The following PCDH1 variants were observed in gnomAD, a reference collection of about 807,000 sequenced individuals.
PCDH1 encodes protocadherin-1.
A neutral mutation model predicts 74.6 loss-of-function variants in PCDH1; 23 were observed. The observed-to-expected ratio is 0.31, with a 90% confidence interval of 0.22 to 0.44. PCDH1 has a LOEUF of 0.44. Ranked by LOEUF, PCDH1 falls within the 20% of genes least tolerant of loss-of-function variation. The pLI is 1.00. For missense variants in PCDH1, 1,214 were observed against 1,641.4 expected (o/e 0.74, Z 4.50); for synonymous variants, 647 against 686.1 (o/e 0.94, Z 0.89).
rs1752212536 is a variant in PCDH1 at position 141,853,838 on chromosome 5, G to A, written c.*204C>T. ...GCCCCATAAAGGGGAAGGGGCCCCT[G>A]GGGGCTGGGAGATGGAAATGAGGGG... On this transcript the variant is annotated 3_prime_UTR_variant, in exon 5 of 5. Coordinates refer to ENST00000287008, the MANE Select transcript of PCDH1 (RefSeq NM_032420.5). 1 of 430,632 alleles carries A rather than the reference G, an allele frequency of 2.3e-6. No individual in the cohort carries two copies. Among genetic ancestry groups the A allele is most frequent in the Non-Finnish European group, 4.0e-6 (1 of 247,564 alleles). The allele number at this position is 430,632 out of a possible 1,614,324, so 26.7% of individuals were successfully genotyped here.
In PCDH1 at chr5:141,863,318, C is replaced by T; in HGVS notation, c.3013G>A (p.Gly1005Ser). ...QDLPPANTFV[G>S]TGDTTSTGSE... ...CCCGTGGACGTGGTGTCCCCGGTGC[C>T]CACGAATGTGTTTGCAGGTGGCAGG... The change falls in exon 3 of 5, where the codon GGC (glycine) becomes AGC (serine). Residue 1005 changes from glycine (G) to serine (S), a missense_variant. Gly to Ser is a moderately conservative substitution (Grantham distance 56). This residue lies in a region of PCDH1 where 836 missense variants were observed against 1,182.2 expected (regional missense o/e 0.71). Coordinates refer to ENST00000287008, the MANE Select transcript of PCDH1 (RefSeq NM_032420.5). This position sits in a 1 kb window ranked among gnomAD's most constrained non-coding sequence, Gnocchi z 7.5. 6.4e-7 allele frequency: 1 copy of T among 1,551,706 alleles called. No homozygotes were observed. Among genetic ancestry groups the T allele is most frequent in the Non-Finnish European group, 8.7e-7 (1 of 1,147,782 alleles).
At chr5:141,856,053 G>C (rs1752323762) in intron 4 of PCDH1, among the ~76,000 whole-genome samples, 3 of 152,214 alleles carry the variant, frequency 2.0e-5, no homozygotes, top group Non-Finnish European at 2.9e-5. Flanking sequence ...CCAGTGCCAG[G>C]TGAGGAGGGG....
chr5:141,857,100 A>G (rs1368758457), intron 4 of PCDH1, 152 bp downstream of exon 4: 8 of 598,806 alleles, frequency 1.3e-5, no homozygotes, highest in Non-Finnish European at 2.2e-5. Flanking sequence ...GGTTCTGGGG[A>G]TTAAATGCGT....
In PCDH1 at chr5:141,867,368, C is replaced by T. The variant is rs140469362; in HGVS notation, c.903+1201G>A. ...GGCTCTGAAGCCAGACTCTTGGCTG[C>T]GGCAAAGGTGGACTCTGAACTCATT... On this transcript the variant is annotated intron_variant, in intron 2 of 4. Transcript: ENST00000287008. 740 of 289,320 alleles carry T rather than the reference C, an allele frequency of 2.6e-3. 9 individuals are homozygous for T. The highest frequency in any genetic ancestry group is 0.016 in the African/African-American group (691 of 44,010). 17.9% of individuals were successfully genotyped at this position (289,320 alleles called of 1,614,324 possible).
chr5:141,873,515 C>G (rs1260815356), intron 1 of PCDH1, among the ~76,000 whole-genome samples: 2 of 150,700 alleles, frequency 1.3e-5, no homozygotes, highest in Non-Finnish European at 3.0e-5. Context: ...GGCGCGATCC[C>G]GGCTCACTGC....
At chr5:141,872,905 G>A (rs1431144959) in intron 1 of PCDH1, among the ~76,000 whole-genome samples, 1 of 152,202 alleles carries the variant, frequency 6.6e-6, no homozygotes, top group Admixed American at 6.5e-5. Flanking sequence ...AGGGTTGGGG[G>A]AGAGTTGCTC....
At chr5:141,856,271 G>T in intron 4 of PCDH1, 1 of 1,529,158 alleles carries the variant, frequency 6.5e-7, no homozygotes, top group Non-Finnish European at 8.7e-7. Flanking sequence ...CTCTGCGCGG[G>T]CACAAAAAGG....
chr5:141,864,372 C>G lies in PCDH1; in HGVS notation c.1959G>C (p.Gln653His). Residue 653 changes from glutamine (Q) to histidine (H), a missense_variant, in exon 3 of 5, where the codon CAG (glutamine) becomes CAC (histidine). Gln to His is a conservative substitution (Grantham distance 24). This residue lies in a region of PCDH1 where 836 missense variants were observed against 1,182.2 expected (regional missense o/e 0.71). Transcript: ENST00000287008. The surrounding 1 kb of genome is among the most constrained non-coding windows in gnomAD (Gnocchi z 5.9). Reference protein sequence around the residue: ...ENAQVQLSVEQDNGDFVIQNG... With the variant: ...ENAQVQLSVEHDNGDFVIQNG... ...TCTGGATAACAAAGTCACCGTTGTC[C>G]TGCTCCACTGAGAGCTGCACCTGGG... The G allele has an allele frequency of 6.2e-7, 1 of 1,614,088 alleles. No individual in the cohort carries two copies. Among genetic ancestry groups the G allele is most frequent in the Non-Finnish European group, 8.5e-7 (1 of 1,179,956 alleles).
chr5:141,859,554 G>A (rs1040647859), intron 3 of PCDH1, among the ~76,000 whole-genome samples: 7 of 152,100 alleles, frequency 4.6e-5, no homozygotes, highest in African/African-American at 1.7e-4. Flanking sequence ...TCTTCAATTA[G>A]CTTCTGTATG....
rs943109027 is a variant in PCDH1 at position 141,859,505 on chromosome 5, A to G, written c.3100-2034T>C. Among the ~76,000 whole-genome samples the G allele has an allele frequency of 2.0e-5, 3 of 152,284 alleles. No individual in the cohort carries two copies. In the East Asian group the frequency reaches 5.8e-4, roughly 29 times the overall value. ...TGATTATTTCCAGTTGGCTCTGCCT[A>G]CTGGCCCTTAAGATTCAACATGTCT... On this transcript the variant is annotated intron_variant, in intron 3 of 4. Coordinates refer to ENST00000287008, the MANE Select transcript of PCDH1 (RefSeq NM_032420.5).
chr5:141,864,099 A>G lies in PCDH1; in HGVS notation c.2232T>C (p.Phe744=), dbSNP rs1003548535. 2.5e-6 allele frequency: 4 copies of G among 1,611,026 alleles called. No homozygotes were observed. The highest frequency in any genetic ancestry group is 3.4e-6 in the Non-Finnish European group (4 of 1,177,486). ...TCAGCTCAGCATTGACACCAGAGTC[A>G]AAGTCCTCGGCTGCCACCTGGCTGA... ...ETVSQVAAED[F]DSGVNAELIY... is the part of the protein sequence containing the mutation. Residue 744 remains phenylalanine (F), a synonymous_variant, in exon 3 of 5, where the codon TTT becomes TTC. Coordinates refer to ENST00000287008, the MANE Select transcript of PCDH1 (RefSeq NM_032420.5). This position sits in a 1 kb window ranked among gnomAD's most constrained non-coding sequence, Gnocchi z 5.9.
chr5:141,868,904 G>A lies in PCDH1; in HGVS notation c.568C>T (p.Pro190Ser), dbSNP rs938315730. Residue 190 changes from proline to serine, a missense_variant, in exon 2 of 5, where the codon CCG becomes TCG. Around this residue, in one of 4 missense-constraint regions of PCDH1, gnomAD observed 97 missense variants for 173.2 expected, o/e 0.56. Transcript: ENST00000287008. This position sits in a 1 kb window ranked among gnomAD's most constrained non-coding sequence, Gnocchi z 4.8. ...NTNIGSLFPI[P>S]LASDRDAGPN... ...CCAGCATCACGGTCTGAAGCCAGCG[G>A]GATGGGGAAGAGTGAGCCGATGTTG... 8 of 1,614,118 alleles carry A rather than the reference G, an allele frequency of 5.0e-6. No individual in the cohort carries two copies. Among genetic ancestry groups the A allele is most frequent in the Admixed American group, 3.3e-5 (2 of 60,016 alleles).
rs776686446 is a variant in PCDH1 at position 141,863,249 on chromosome 5, TG to T, written c.3081del (p.Lys1028AsnfsTer71). On this transcript the variant is annotated frameshift_variant, in exon 3 of 5. Coordinates refer to ENST00000287008, the MANE Select transcript of PCDH1 (RefSeq NM_032420.5). LOFTEE classifies it high-confidence loss of function. The surrounding 1 kb of genome is among the most constrained non-coding windows in gnomAD (Gnocchi z 7.5). ...TGGCCTACCTGCTTGCTGGGGTATT[TG>T]GGGGGGTTGGTGCGGTAGCTGTAGT... Reference protein sequence around the residue: ...YSDYSYRTNPPKYPSKQLPHR... With the variant: ...YSDYSYRTNPXKYPSKQLPHR... 8.8e-6 allele frequency: 14 copies of T among 1,590,836 alleles called. No homozygotes were observed. The highest frequency in any genetic ancestry group is 7.0e-5 in the South Asian group (6 of 86,266).
At chr5:141,862,294 G>C (rs1261697470) in intron 3 of PCDH1, among the ~76,000 whole-genome samples, 1 of 152,196 alleles carries the variant, frequency 6.6e-6, no homozygotes, top group Admixed American at 6.5e-5. Flanking sequence ...AGAGGCAACT[G>C]TTTGAGCAGA....
Position 141,878,189 on chromosome 5 carries a change from G to A in PCDH1, c.40+34C>T, listed in dbSNP as rs1294628305. On this transcript the variant is annotated intron_variant, in intron 1 of 4. Transcript: ENST00000287008. This position sits in a 1 kb window ranked among gnomAD's most constrained non-coding sequence, Gnocchi z 5.5. ...CGGCCATGACCGCTTCGGGCCCCAA[G>A]CCGCTGCTGCCTCCACCGCCGCCGG... 9 of 1,431,698 alleles carry A rather than the reference G, an allele frequency of 6.3e-6. No homozygotes were observed. The Admixed American group carries it at 2.1e-4, about 33-fold the overall frequency. The allele number at this position is 1,431,698 out of a possible 1,614,324, so 88.7% of individuals were successfully genotyped here. A position where few individuals can be genotyped will look rare whatever the true frequency, so the allele number is the denominator to read the frequency against.
In PCDH1 at chr5:141,869,285, T is replaced by G; in HGVS notation, c.187A>C (p.Lys63Gln). 6.8e-6 allele frequency: 11 copies of G among 1,608,040 alleles called. No homozygotes were observed. The highest frequency in any genetic ancestry group is 9.3e-6 in the Non-Finnish European group (11 of 1,177,494). Residue 63 changes from lysine (K) to glutamine (Q), a missense_variant, in exon 2 of 5, where the codon AAG (lysine) becomes CAG (glutamine). By Grantham distance (53) the Lys-to-Gln change is moderately conservative. Around this residue, in one of 4 missense-constraint regions of PCDH1, gnomAD observed 87 missense variants for 87.7 expected, o/e 0.99. Transcript: ENST00000287008. This position sits in a 1 kb window ranked among gnomAD's most constrained non-coding sequence, Gnocchi z 4.9. ...TTGGGTGGCTGTTCCTCCGGCACCTTGTACACTACCCGAGTGGCGTGGCCT... is the reference window on the plus strand; with the variant it reads ...TTGGGTGGCTGTTCCTCCGGCACCTGGTACACTACCCGAGTGGCGTGGCCT... ...SPGHATRVVYKVPEEQPPNTL... is the reference protein window; with the variant it reads ...SPGHATRVVYQVPEEQPPNTL...
Position 141,854,147 on chromosome 5 carries a change from C to A in PCDH1, c.3609G>T (p.Lys1203Asn), listed in dbSNP as rs1409187068. The change falls in exon 5 of 5, where the codon AAG (lysine) becomes AAT (asparagine). Residue 1203 changes from lysine to asparagine, a missense_variant. Coordinates refer to ENST00000287008, the MANE Select transcript of PCDH1 (RefSeq NM_032420.5). Reference sequence around the variant, plus strand: ...GGATTTCCTCCAAGGTGGCCGAGTCCTTGCAGGAATCATGGCTACTGTGGG... The same window carrying A: ...GGATTTCCTCCAAGGTGGCCGAGTCATTGCAGGAATCATGGCTACTGTGGG... ...AFSHSSHDSC[K>N]DSATLEEIPL... 1 of 1,600,776 alleles carries A rather than the reference C, an allele frequency of 6.2e-7. No homozygotes were observed. Among genetic ancestry groups the A allele is most frequent in the Non-Finnish European group, 8.5e-7 (1 of 1,171,438 alleles).
intron 1 of PCDH1, among the ~76,000 whole-genome samples, chr5:141,872,525 G>A (rs1270883834): frequency 2.6e-5 from 4 of 152,250 alleles, no homozygotes; most frequent in South Asian, 4.1e-4. Flanking sequence ...AATTTTAGCC[G>A]CTAATTCAGG....
intron 4 of PCDH1, chr5:141,856,334 C>T (rs1752336570): frequency 3.5e-6 from 4 of 1,140,014 alleles, no homozygotes; most frequent in Non-Finnish European, 2.5e-6. Flanking sequence ...GTGGAGGGCA[C>T]TCTGAGACCT....
Sources: allele counts gnomAD v4.1 joint callset (sites outside exome capture counted in the v4.1 genomes callset), GRCh38; gene constraint gnomAD v4.1.1; regional missense constraint gnomAD v4.1.1; non-coding constraint Gnocchi (gnomAD v3.1); transcripts MANE v1.5; gene names NCBI Gene and HGNC (gene_info 2026-07-23, HGNC 2026-07-21).